The following NTRK3 variants were observed in gnomAD, a reference collection of about 807,000 sequenced individuals.
NTRK3 encodes the protein neurotrophic receptor tyrosine kinase 3, also known as NT-3 growth factor receptor.
NTRK3 carries 24 observed loss-of-function variants against 91.7 expected under a neutral mutation model. The observed-to-expected ratio is 0.26, with a 90% CI of 0.19 to 0.37. The LOEUF (loss-of-function observed/expected upper bound fraction) is 0.37, where lower values mean the gene tolerates loss of function less well. NTRK3 is among the 10% of genes least tolerant of loss of function. NTRK3 has a pLI of 1.00. For synonymous variants in NTRK3, 483 were observed against 404.0 expected (o/e 1.20, Z -2.34); for missense variants, 880 against 1,068.9 (o/e 0.82, Z 2.46).
At chr15:88,107,923 G>A (rs1377548090) in intron 13 of NTRK3, among the ~76,000 whole-genome samples, 2 of 151,986 alleles carry the variant, frequency 1.3e-5, no homozygotes, top group Admixed American at 6.6e-5. Flanking sequence ...TATCCCAATG[G>A]CAGGCAAGTA....
chr15:87,953,013 G>T (rs2071299215), intron 14 of NTRK3, among the ~76,000 whole-genome samples: 1 of 152,124 alleles, frequency 6.6e-6, no homozygotes, highest in African/African-American at 2.4e-5. Flanking sequence ...AGGCCTCCGC[G>T]ATCCTGGATC....
intron 13 of NTRK3, among the ~76,000 whole-genome samples, chr15:88,111,475 A>T (rs1163019441): frequency 1.3e-5 from 2 of 152,210 alleles, no homozygotes; most frequent in Non-Finnish European, 2.9e-5. Context: ...GACAGTATGA[A>T]GCTGTTAGCT....
At chr15:88,125,355 C>T (rs2053173762) in intron 13 of NTRK3, among the ~76,000 whole-genome samples, 2 of 152,176 alleles carry the variant, frequency 1.3e-5, no homozygotes, top group Non-Finnish European at 1.5e-5. Flanking sequence ...CAGACACAAG[C>T]TCATGCAGAG....
At chr15:87,923,037 A>C (rs1596267155) in intron 17 of NTRK3, among the ~76,000 whole-genome samples, 1 of 152,322 alleles carries the variant, frequency 6.6e-6, no homozygotes, top group East Asian at 1.9e-4. Flanking sequence ...ATCTTGCAAA[A>C]TAACTCTCTC....
intron 17 of NTRK3, among the ~76,000 whole-genome samples, chr15:87,910,295 C>T (rs920792045): frequency 1.3e-5 from 2 of 152,166 alleles, no homozygotes; most frequent in Non-Finnish European, 1.5e-5. Context: ...GGCATGGACC[C>T]GGGCAGCTCC....
chr15:88,041,824 T>TATA (rs1555477949), intron 13 of NTRK3, among the ~76,000 whole-genome samples: 1 of 90,244 alleles, frequency 1.1e-5, no homozygotes, highest in Non-Finnish European at 2.1e-5. Flanking sequence ...AAGTCCCTCA[T>TATA]AAAAAAAAAA....
chr15:88,080,016 T>A (rs1174839360), intron 13 of NTRK3, among the ~76,000 whole-genome samples: 1 of 152,238 alleles, frequency 6.6e-6, no homozygotes, highest in South Asian at 2.1e-4. Flanking sequence ...ATATTTTTCA[T>A]GTCTTTACAT....
chr15:88,038,425 C>T (rs1337673573), intron 13 of NTRK3, among the ~76,000 whole-genome samples: 1 of 152,152 alleles, frequency 6.6e-6, no homozygotes, highest in Non-Finnish European at 1.5e-5. Flanking sequence ...TGCAACTGGC[C>T]CCTGCCTGCT....
At chr15:88,172,457 T>C (rs956955799) in intron 5 of NTRK3, among the ~76,000 whole-genome samples, 20 of 152,166 alleles carry the variant, frequency 1.3e-4, no homozygotes, top group African/African-American at 4.8e-4. Context: ...ATGAGCACAG[T>C]GTCTAATCCC....
chr15:88,082,966 T>G (rs1395254119), intron 13 of NTRK3, among the ~76,000 whole-genome samples: 4 of 152,178 alleles, frequency 2.6e-5, no homozygotes, highest in African/African-American at 9.7e-5. Context: ...TCTCTGCTCC[T>G]TGGTCAAAAA....
chr15:88,183,522 T>G (rs2046694330), intron 4 of NTRK3, 33 bp from the exon 5 acceptor site: 1 of 1,601,110 alleles, frequency 6.2e-7, no homozygotes, highest in African/African-American at 1.3e-5. Flanking sequence ...TCAGCAGAGC[T>G]CAAGTGGCAG....
At chr15:88,175,252 C>T (rs1319999443) in intron 5 of NTRK3, among the ~76,000 whole-genome samples, 2 of 152,202 alleles carry the variant, frequency 1.3e-5, no homozygotes, top group Non-Finnish European at 2.9e-5. Context: ...AAGACGCCAG[C>T]TAATGGAGCA....
chr15:88,192,054 G>A (rs998500031), intron 3 of NTRK3, among the ~76,000 whole-genome samples: 1 of 152,240 alleles, frequency 6.6e-6, no homozygotes, highest in Non-Finnish European at 1.5e-5. Flanking sequence ...CCACCCCTGG[G>A]ACCACAGAAA....
chr15:87,976,870 C>G (rs1190249989), intron 14 of NTRK3, among the ~76,000 whole-genome samples: 1 of 152,224 alleles, frequency 6.6e-6, no homozygotes, highest in Non-Finnish European at 1.5e-5. Context: ...ACCACTCCAT[C>G]CTAGGGACAG....
At chr15:87,992,008 C>A (rs775338524) in intron 14 of NTRK3, among the ~76,000 whole-genome samples, 11 of 151,726 alleles carry the variant, frequency 7.2e-5, no homozygotes, top group Admixed American at 2.6e-4. Context: ...TATGCTTCCT[C>A]ATCACTCAAC....
At chr15:87,929,484 A>G (rs2068609361) in intron 16 of NTRK3, 50 bp from the exon 17 acceptor site, 10 of 1,605,040 alleles carry the variant, frequency 6.2e-6, no homozygotes, top group Non-Finnish European at 8.5e-6. Context: ...TCAGGAGATC[A>G]AGGAGAAAGG....
At chr15:87,863,409 G>C (rs541169904) in exon 19 of NTRK3, 1 of 225,720 alleles carries the variant, frequency 4.4e-6, no homozygotes, top group Admixed American at 5.7e-5. Context: ...CCCAGGCTTC[G>C]CTGCAGAATT....
At chr15:88,198,971 C>T (rs990486024) in intron 3 of NTRK3, among the ~76,000 whole-genome samples, 5 of 152,230 alleles carry the variant, frequency 3.3e-5, no homozygotes, top group Admixed American at 2.6e-4. Context: ...TCACAAATTT[C>T]TCTGCTGTGC....
chr15:87,912,506 G>A (rs2067144261), intron 17 of NTRK3, among the ~76,000 whole-genome samples: 1 of 152,062 alleles, frequency 6.6e-6, no homozygotes, highest in African/African-American at 2.4e-5. Flanking sequence ...CCAGCCCATT[G>A]ACCTCATAGC....
Sources: allele counts gnomAD v4.1 joint callset (sites outside exome capture counted in the v4.1 genomes callset), GRCh38; gene constraint gnomAD v4.1.1; transcripts MANE v1.5; gene names NCBI Gene and HGNC (gene_info 2026-07-23, HGNC 2026-07-21).